The following ADCK1 variants were observed in gnomAD, a reference collection of about 807,000 sequenced individuals.
ADCK1 encodes the protein aarF domain-containing protein kinase 1.
Under a neutral mutation model 52.3 loss-of-function variants are expected in ADCK1, and 41 were observed. That is an observed-to-expected ratio of 0.78 (90% CI 0.61 to 1.02). The LOEUF (loss-of-function observed/expected upper bound fraction) is 1.02, where lower values mean the gene tolerates loss of function less well. ADCK1 is among the 50% of genes least tolerant of loss of function. ADCK1 has a pLI of 0.00. For missense variants in ADCK1, 658 were observed against 679.5 expected, an observed-to-expected ratio of 0.97 and a Z score of 0.35; for synonymous variants, 250 against 274.6, an observed-to-expected ratio of 0.91 and a Z score of 0.89.
intron 7 of ADCK1, 85 bp from the exon 8 acceptor site, chr14:77,924,372 A>G: frequency 1.3e-6 from 2 of 1,546,926 alleles, no homozygotes; most frequent in Non-Finnish European, 8.7e-7. Flanking sequence ...TCCCCTTAAA[A>G]GTGACCACAT....
intron 5 of ADCK1, among the ~76,000 whole-genome samples, chr14:77,891,872 G>A (rs1213146772): frequency 6.6e-6 from 1 of 152,184 alleles, no homozygotes; most frequent in East Asian, 1.9e-4. Context: ...TGGAAAGCTC[G>A]TACTTGAAGT....
At chr14:77,921,326 C>CAAAAAAA (rs756056466) in intron 7 of ADCK1, among the ~76,000 whole-genome samples, 23 of 41,170 alleles carry the variant, frequency 5.6e-4, no homozygotes, top group East Asian at 1.9e-3. Context: ...GACTCTGTCT[C>CAAAAAAA]AAAAAAAAAA....
chr14:77,847,644 C>T (rs1395968297), intron 3 of ADCK1, among the ~76,000 whole-genome samples: 2 of 152,196 alleles, frequency 1.3e-5, no homozygotes, highest in Admixed American at 1.3e-4. Context: ...GAAGGGTTAT[C>T]GTTGAAGATT....
intron 5 of ADCK1, among the ~76,000 whole-genome samples, chr14:77,888,919 T>C (rs1004197634): frequency 6.6e-6 from 1 of 152,160 alleles, no homozygotes; most frequent in Non-Finnish European, 1.5e-5. Flanking sequence ...AATCTCATCT[T>C]GAATTGTAGC....
intron 1 of ADCK1, among the ~76,000 whole-genome samples, chr14:77,810,937 GA>G (rs372499974): frequency 6.6e-6 from 1 of 152,144 alleles, no homozygotes; most frequent in African/African-American, 2.4e-5. Context: ...CTTGACTGAA[GA>G]AGGAAGCTGT....
At chr14:77,819,356 G>A (rs2081533521) in intron 2 of ADCK1, among the ~76,000 whole-genome samples, 1 of 152,170 alleles carries the variant, frequency 6.6e-6, no homozygotes, top group Non-Finnish European at 1.5e-5. Flanking sequence ...TGATCCTGAG[G>A]TAACATAGAA....
chr14:77,813,615 C>G (rs1177332605), intron 1 of ADCK1, among the ~76,000 whole-genome samples: 1 of 151,578 alleles, frequency 6.6e-6, no homozygotes, highest in Non-Finnish European at 1.5e-5. Flanking sequence ...GCCTGAGTTT[C>G]TTAAATTATT....
chr14:77,846,087 C>A (rs1170305751), intron 3 of ADCK1, among the ~76,000 whole-genome samples: 2 of 152,140 alleles, frequency 1.3e-5, no homozygotes, highest in Non-Finnish European at 2.9e-5. Context: ...GAACCAGCTG[C>A]CACATGGGGC....
In ADCK1 at chr14:77,852,907, A is replaced by ATTTTT. The variant is rs71303864; in HGVS notation, c.220-6149_220-6145dup. ...TGTATATATATATATATATATATAT[A>ATTTTT]TTTTTTTTTTTTTTTTTTTTTTTTA... On this transcript the variant is annotated intron_variant, in intron 3 of 10. Coordinates refer to ENST00000238561, the MANE Select transcript of ADCK1 (RefSeq NM_020421.4). Among the ~76,000 whole-genome samples, 7 of 28,956 alleles carry ATTTTT rather than the reference A, an allele frequency of 2.4e-4. 1 individual carries two copies. Among genetic ancestry groups the ATTTTT allele is most frequent in the African/African-American group, 4.4e-4 (2 of 4,504 alleles). 19.0% of individuals were successfully genotyped at this position (28,956 alleles called of 152,430 possible).
At chr14:77,879,469 A>G (rs917410033) in intron 4 of ADCK1, among the ~76,000 whole-genome samples, 1 of 152,078 alleles carries the variant, frequency 6.6e-6, no homozygotes, top group African/African-American at 2.4e-5. Context: ...GCCAGAGGGG[A>G]CAGTGTGTGC....
intron 3 of ADCK1, among the ~76,000 whole-genome samples, chr14:77,853,434 T>C (rs1466325515): frequency 6.6e-6 from 1 of 152,184 alleles, no homozygotes; most frequent in Non-Finnish European, 1.5e-5. Flanking sequence ...GCTTTTATTT[T>C]TAGGGTGGTA....
At chr14:77,827,658 G>A (rs1034891402) in intron 3 of ADCK1, among the ~76,000 whole-genome samples, 1 of 151,782 alleles carries the variant, frequency 6.6e-6, no homozygotes, top group Admixed American at 6.6e-5. Flanking sequence ...AGGAGGGCCC[G>A]TAACTCAAGG....
rs199521305 is a variant in ADCK1, at chr14:77,931,717, T to C, written c.1400+6T>C. On this transcript the variant is annotated splice_donor_region_variant and intron_variant, in intron 10 of 10. Coordinates refer to ENST00000238561, the MANE Select transcript of ADCK1 (RefSeq NM_020421.4). Reference sequence around the variant, plus strand: ...TGCATCAGAGCGCTAGCTGAGTGAGTGTGGGCTCCTCCCTCTCCTCCCCTC... The same window carrying C: ...TGCATCAGAGCGCTAGCTGAGTGAGCGTGGGCTCCTCCCTCTCCTCCCCTC... 4.4e-6 allele frequency: 7 copies of C among 1,598,878 alleles called. No individual in the cohort carries two copies. Among genetic ancestry groups the C allele is most frequent in the Admixed American group, 3.3e-5 (2 of 59,948 alleles).
rs1232771928 is a variant in ADCK1 at position 77,859,221 on chromosome 14, C to T, written c.365C>T (p.Ala122Val). The change falls in exon 4 of 11, where the codon GCT (alanine) becomes GTT (valine). Residue 122 changes from alanine to valine, a missense_variant. Coordinates refer to ENST00000238561, the MANE Select transcript of ADCK1 (RefSeq NM_020421.4). The part of the protein sequence containing the change: ...TSTLKVLHSQ[A>V]PQSSMQEIRQ... ...ACGCTGAAGGTACTGCACAGCCAGG[C>T]TCCACAGAGCAGCATGCAAGAGATC... The T allele has an allele frequency of 6.2e-7, 1 of 1,614,040 alleles. No individual in the cohort carries two copies. Among genetic ancestry groups the T allele is most frequent in the South Asian group, 1.1e-5 (1 of 91,068 alleles).
At chr14:77,827,456 C>CTTT (rs61564212) in intron 3 of ADCK1, among the ~76,000 whole-genome samples, 3 of 148,552 alleles carry the variant, frequency 2.0e-5, no homozygotes, top group African/African-American at 4.9e-5. Context: ...CCAGGAAATT[C>CTTT]TTTTTTTTTT....
chr14:77,848,518 TAC>T (rs2082216987), intron 3 of ADCK1, among the ~76,000 whole-genome samples: 3 of 152,184 alleles, frequency 2.0e-5, no homozygotes, highest in Non-Finnish European at 4.4e-5. Context: ...CAGACTGGAG[TAC>T]AGTGGTGCGA....
At chr14:77,858,947 T>C in intron 3 of ADCK1, 129 bp from the exon 4 acceptor site, 1 of 797,972 alleles carries the variant, frequency 1.3e-6, no homozygotes, top group Admixed American at 2.5e-5. Flanking sequence ...TGTGCGTGTG[T>C]GTGCATGCAT....
intron 3 of ADCK1, among the ~76,000 whole-genome samples, chr14:77,843,775 C>T (rs1366673767): frequency 6.6e-6 from 1 of 152,172 alleles, no homozygotes; most frequent in Non-Finnish European, 1.5e-5. Flanking sequence ...CTTGTAATTC[C>T]ACCATTAGAA....
At chr14:77,807,627 A>T (rs1408144631) in intron 1 of ADCK1, among the ~76,000 whole-genome samples, 1 of 149,102 alleles carries the variant, frequency 6.7e-6, no homozygotes, top group Non-Finnish European at 1.5e-5. Context: ...CTCCTGCCTC[A>T]GCCTCCCGAG....
Sources: allele counts gnomAD v4.1 joint callset (sites outside exome capture counted in the v4.1 genomes callset), GRCh38; gene constraint gnomAD v4.1.1; transcripts MANE v1.5; gene names NCBI Gene and HGNC (gene_info 2026-07-23, HGNC 2026-07-21).